The following NTM variants were observed in gnomAD, a reference collection of about 807,000 sequenced individuals.
The protein encoded by NTM is neurotrimin.
Under a neutral mutation model 42.1 loss-of-function variants are expected in NTM, and 13 were observed. The observed-to-expected ratio is 0.31, with a 90% CI of 0.20 to 0.49. The LOEUF is 0.49. Ranked by LOEUF, NTM falls within the 20% of genes least tolerant of loss-of-function variation. The probability of loss-of-function intolerance (pLI) is 0.99; values close to 1 mark genes in which losing one functional copy is unlikely to be tolerated. For missense variants in NTM, 373 were observed against 452.8 expected (o/e 0.82, Z 1.60); for synonymous variants, 187 against 179.2 (o/e 1.04, Z -0.35).
At chr11:132,112,113 C>T (rs140196959) in intron 2 of NTM, among the ~76,000 whole-genome samples, 1 of 152,340 alleles carries the variant, frequency 6.6e-6, no homozygotes, top group African/African-American at 2.4e-5. Context: ...TCTCTCTTCT[C>T]ATCTCAAAAT....
At chr11:131,859,898 G>C (rs375187461) in intron 1 of NTM, among the ~76,000 whole-genome samples, 1 of 151,780 alleles carries the variant, frequency 6.6e-6, no homozygotes, top group African/African-American at 2.4e-5. Flanking sequence ...GACTATTAAA[G>C]GTTGTTCTTA....
chr11:132,009,902 G>T (rs572535609), intron 2 of NTM, among the ~76,000 whole-genome samples: 1 of 152,276 alleles, frequency 6.6e-6, no homozygotes, highest in South Asian at 2.1e-4. Context: ...TAAGGAACTT[G>T]CCCCTCAGAG....
chr11:132,093,124 C>T (rs997003505), intron 2 of NTM, among the ~76,000 whole-genome samples: 1 of 152,122 alleles, frequency 6.6e-6, no homozygotes, highest in Non-Finnish European at 1.5e-5. Context: ...TTTTGGGTGC[C>T]CTAAGCCTTC....
At chr11:132,253,746 C>T (rs1242393977) in intron 4 of NTM, among the ~76,000 whole-genome samples, 3 of 152,192 alleles carry the variant, frequency 2.0e-5, no homozygotes, top group African/African-American at 4.8e-5. Context: ...TTTTCCCCCT[C>T]CTCTCAGAGA....
At chr11:132,302,715 T>C (rs2094912874) in intron 4 of NTM, among the ~76,000 whole-genome samples, 2 of 152,184 alleles carry the variant, frequency 1.3e-5, no homozygotes, top group African/African-American at 4.8e-5. Flanking sequence ...AAGCCCCCTG[T>C]GTGCAGCACA....
At chr11:131,554,126 T>C (rs991978668) in intron 1 of NTM, among the ~76,000 whole-genome samples, 7 of 152,230 alleles carry the variant, frequency 4.6e-5, no homozygotes, top group Admixed American at 2.6e-4. Flanking sequence ...TTAGTTCTTA[T>C]GTACTAACAC....
At chr11:131,906,423 T>C (rs1485823974) in intron 1 of NTM, among the ~76,000 whole-genome samples, 1 of 152,100 alleles carries the variant, frequency 6.6e-6, no homozygotes, top group East Asian at 1.9e-4. Flanking sequence ...TCCTCCTCCT[T>C]CCTGGGGCTC....
intron 1 of NTM, among the ~76,000 whole-genome samples, chr11:131,846,460 A>C (rs1398419978): frequency 6.6e-6 from 1 of 152,114 alleles, no homozygotes; most frequent in Non-Finnish European, 1.5e-5. Flanking sequence ...TCAGCTCATT[A>C]ATTTTTAATC....
intron 1 of NTM, among the ~76,000 whole-genome samples, chr11:131,752,250 A>G (rs1208161973): frequency 6.6e-6 from 1 of 152,240 alleles, no homozygotes; most frequent in Non-Finnish European, 1.5e-5. Flanking sequence ...ACACTTCTCT[A>G]AAGAAGACAT....
chr11:131,927,734 A>C (rs546269826), intron 2 of NTM, among the ~76,000 whole-genome samples: 2 of 152,344 alleles, frequency 1.3e-5, no homozygotes, highest in African/African-American at 4.8e-5. Context: ...CCAGAGAAGG[A>C]TTTCATTGAC....
rs556754877 is a variant in NTM at position 131,811,856 on chromosome 11, T to C, written c.83-99708T>C. Among the ~76,000 whole-genome samples, 29 of 152,354 alleles carry C rather than the reference T, an allele frequency of 1.9e-4. 1 individual carries two copies. In the South Asian group the frequency reaches 6.0e-3, roughly 32 times the overall value. The stretch of plus-strand genomic sequence containing the variant: ...CTGCGGCAGCATCTGGAATTTGCAA[T>C]GGCCTCTAAAGATAAAATTGTTTTT... On this transcript the variant is annotated intron_variant, in intron 1 of 8. Transcript: ENST00000683400.
Position 132,316,655 on chromosome 11 carries a change from T to C in NTM, c.934+1952T>C, listed in dbSNP as rs1465209907. ...TGTTTCAATCAGAAACCAATTTAAT[T>C]TGTTAGCTTCAGTTGAGAGATCATT... On this transcript the variant is annotated intron_variant, in intron 7 of 8. Transcript: ENST00000683400. Among the ~76,000 whole-genome samples, 14 of 152,150 alleles carry C rather than the reference T, an allele frequency of 9.2e-5. No homozygotes were observed. In the East Asian group the frequency reaches 2.7e-3, roughly 29 times the overall value.
At chr11:131,747,278 G>A (rs373370382) in intron 1 of NTM, among the ~76,000 whole-genome samples, 4 of 152,060 alleles carry the variant, frequency 2.6e-5, no homozygotes, top group African/African-American at 9.7e-5. Context: ...AATAACCCAC[G>A]AGCACCCAAG....
chr11:132,244,762 T>A (rs1447886281), intron 4 of NTM, among the ~76,000 whole-genome samples: 1 of 152,148 alleles, frequency 6.6e-6, no homozygotes, highest in Admixed American at 6.5e-5. Context: ...GACCTCTGGG[T>A]GTTCTGCAGC....
intron 1 of NTM, among the ~76,000 whole-genome samples, chr11:131,383,147 G>T (rs1179782789): frequency 1.3e-5 from 2 of 152,172 alleles, no homozygotes; most frequent in African/African-American, 4.8e-5. Flanking sequence ...ATCTCCAAAT[G>T]ATACAGACAT....
At chr11:132,186,923 C>T (rs1268906520) in intron 3 of NTM, among the ~76,000 whole-genome samples, 1 of 152,154 alleles carries the variant, frequency 6.6e-6, no homozygotes, top group African/African-American at 2.4e-5. Flanking sequence ...TGGAGTGCCC[C>T]CATGCTCACA....
chr11:132,156,688 ATT>A (rs146662277), intron 3 of NTM, among the ~76,000 whole-genome samples: 1 of 151,346 alleles, frequency 6.6e-6, no homozygotes, highest in African/African-American at 2.4e-5. Flanking sequence ...AAAATGATTC[ATT>A]TTTTTTTCAT....
rs375886355 is a variant in NTM at position 131,615,713 on chromosome 11, A to T, written c.82+244825A>T. On this transcript the variant is annotated intron_variant, in intron 1 of 8. Transcript: ENST00000683400. ...ACAGGGGCCTCTGTTGTGTTATGGG[A>T]TGTTCAGGACATGGCTCCCGTCAGC... Among the ~76,000 whole-genome samples, 62 of 152,200 alleles carry T rather than the reference A, an allele frequency of 4.1e-4. 2 individuals are homozygous for T. In the South Asian group the frequency reaches 8.1e-3, roughly 20 times the overall value.
intron 2 of NTM, among the ~76,000 whole-genome samples, chr11:132,039,732 G>A (rs986962753): frequency 2.6e-5 from 4 of 152,110 alleles, no homozygotes; most frequent in African/African-American, 9.7e-5. Flanking sequence ...GCAGGTGTGT[G>A]GGAATAAGAC....
Sources: allele counts gnomAD v4.1 joint callset (sites outside exome capture counted in the v4.1 genomes callset), GRCh38; gene constraint gnomAD v4.1.1; transcripts MANE v1.5; gene names NCBI Gene and HGNC (gene_info 2026-07-23, HGNC 2026-07-21).